Variants in ARHGAP6 observed in about 807,000 individuals in gnomAD.
The protein encoded by ARHGAP6 is Rho GTPase activating protein 6.
In ARHGAP6, 16 loss-of-function variants were observed where a neutral mutation model predicts 55.7. The observed-to-expected ratio is 0.29, with a 90% CI of 0.19 to 0.44. The LOEUF (loss-of-function observed/expected upper bound fraction) is 0.44, where lower values mean the gene tolerates loss of function less well. Among genes scored for constraint, ARHGAP6 ranks in the 20% least tolerant of loss-of-function variants. The pLI, the probability that ARHGAP6 is intolerant of heterozygous loss-of-function variation, is 1.00. For synonymous variants in ARHGAP6, 382 were observed against 360.9 expected (o/e 1.06, Z -0.66); for missense variants, 698 against 808.9 (o/e 0.86, Z 1.66).
intron 2 of ARHGAP6, among the ~76,000 whole-genome samples, chrX:11,232,430 G>A (rs1408965060): frequency 4.5e-5 from 5 of 110,170 alleles, no homozygotes; most frequent in Non-Finnish European, 7.6e-5. Flanking sequence ...AGACCAGCCT[G>A]GCCAACATGG....
At position 11,485,409 on chromosome X, in the gene ARHGAP6, T is replaced by G. The variant is rs1488536573; in HGVS notation, c.588+178832A>C. Reference sequence around the variant, plus strand: ...TCAGAGAGGTGATCAGCTGAATGCATTGGAAGTAAAATTGTAGGAAATGCC... The same window carrying G: ...TCAGAGAGGTGATCAGCTGAATGCAGTGGAAGTAAAATTGTAGGAAATGCC... On this transcript the variant is annotated intron_variant, in intron 1 of 12. Coordinates refer to ENST00000337414, the MANE Select transcript of ARHGAP6 (RefSeq NM_013427.3). Among the ~76,000 whole-genome samples the G allele has an allele frequency of 2.7e-5, 3 of 112,415 alleles. No individual in the cohort carries two copies. In the Admixed American group the frequency reaches 2.8e-4, roughly 11 times the overall value.
At chrX:11,623,479 C>T (rs2052254214) in intron 1 of ARHGAP6, among the ~76,000 whole-genome samples, 1 of 109,548 alleles carries the variant, frequency 9.1e-6, no homozygotes, top group Admixed American at 9.7e-5. Context: ...ATCATGAGGT[C>T]AGGAGATCGA....
chrX:11,316,760 A>G lies in ARHGAP6; in HGVS notation c.589-62053T>C, dbSNP rs151302065. ...AAGCACCATTTTAGTCTCTGCATCT[A>G]TGAGTTCAACTTTTTTAGATTCCAC... On this transcript the variant is annotated intron_variant, in intron 1 of 12. Coordinates refer to ENST00000337414, the MANE Select transcript of ARHGAP6 (RefSeq NM_013427.3). Among the ~76,000 whole-genome samples the G allele has an allele frequency of 6.3e-3, 711 of 112,153 alleles. 4 individuals carry two copies. Among genetic ancestry groups the G allele is most frequent in the African/African-American group, 0.022 (664 of 30,868 alleles).
At chrX:11,420,892 G>C (rs2049815670) in intron 1 of ARHGAP6, among the ~76,000 whole-genome samples, 1 of 112,197 alleles carries the variant, frequency 8.9e-6, no homozygotes, top group African/African-American at 3.2e-5. Flanking sequence ...GGGTATTCTG[G>C]CTAAATCAGA....
chrX:11,347,367 G>A (rs1388373289), intron 1 of ARHGAP6, among the ~76,000 whole-genome samples: 1 of 111,912 alleles, frequency 8.9e-6, no homozygotes, highest in Non-Finnish European at 1.9e-5. Context: ...AGACGTTTTT[G>A]TAGCTATATA....
intron 1 of ARHGAP6, among the ~76,000 whole-genome samples, chrX:11,555,570 T>C (rs1170614384): frequency 2.7e-5 from 3 of 110,436 alleles, no homozygotes; most frequent in African/African-American, 9.9e-5. Flanking sequence ...CCGGCCAATA[T>C]GGTGAAACCC....
intron 2 of ARHGAP6, among the ~76,000 whole-genome samples, chrX:11,250,315 T>C (rs192696775): frequency 9.5e-4 from 107 of 112,465 alleles, no homozygotes; most frequent in Non-Finnish European, 1.7e-3. Flanking sequence ...CTTTATATTA[T>C]TGAATTACTT....
intron 1 of ARHGAP6, among the ~76,000 whole-genome samples, chrX:11,393,640 CTTATT>C (rs2049439447): frequency 9.0e-6 from 1 of 111,187 alleles, no homozygotes; most frequent in Admixed American, 9.6e-5. Flanking sequence ...CATTACCTGA[CTTATT>C]TAATTCTGTC....
In ARHGAP6 at chrX:11,665,803, G is replaced by T. The variant is rs2052751724; in HGVS notation, c.-975C>A. ...TAGAGCTGGAGGAATGCCGGGGCTG[G>T]AGCTGGGGCGGAGCCAGGAGCAGGA... On this transcript the variant is annotated 5_prime_UTR_variant, in exon 1 of 13. Coordinates refer to ENST00000337414, the MANE Select transcript of ARHGAP6 (RefSeq NM_013427.3). 8.9e-6 allele frequency: 1 copy of T among 112,529 alleles called. No homozygotes were observed. Among genetic ancestry groups the T allele is most frequent in the African/African-American group, 3.2e-5 (1 of 30,891 alleles). The allele number at this position is 112,529 out of a possible 1,213,427, so 9.3% of individuals were successfully genotyped here. A position where few individuals can be genotyped will look rare whatever the true frequency, so the allele number is the denominator to read the frequency against.
intron 1 of ARHGAP6, among the ~76,000 whole-genome samples, chrX:11,446,185 T>C (rs945635233): frequency 8.9e-6 from 1 of 112,341 alleles, no homozygotes; most frequent in Admixed American, 9.4e-5. Flanking sequence ...AATTAAAGGA[T>C]CCCTTCAGGT....
chrX:11,343,957 G>A (rs1467731262), intron 1 of ARHGAP6, among the ~76,000 whole-genome samples: 1 of 111,869 alleles, frequency 8.9e-6, no homozygotes, highest in Non-Finnish European at 1.9e-5. Flanking sequence ...AGATCACTTG[G>A]TTCCTGATAA....
intron 1 of ARHGAP6, among the ~76,000 whole-genome samples, chrX:11,643,848 T>C (rs760389376): frequency 9.0e-6 from 1 of 111,428 alleles, no homozygotes; most frequent in African/African-American, 3.3e-5. Flanking sequence ...AAATCTGAGC[T>C]AGCCTGCTGG....
chrX:11,207,346 A>T (rs1368765960), intron 2 of ARHGAP6, among the ~76,000 whole-genome samples: 2 of 111,413 alleles, frequency 1.8e-5, no homozygotes, highest in Non-Finnish European at 3.8e-5. Flanking sequence ...ATTGATTTTT[A>T]AAAAGTGATT....
intron 1 of ARHGAP6, among the ~76,000 whole-genome samples, chrX:11,359,426 TAAAGG>T (rs1362432627): frequency 8.9e-6 from 1 of 112,334 alleles, no homozygotes; most frequent in Non-Finnish European, 1.9e-5. Flanking sequence ...AAGTGGCACT[TAAAGG>T]AAGATTAAAG....
At chrX:11,174,565 C>T (rs866983026) in intron 8 of ARHGAP6, among the ~76,000 whole-genome samples, 1,717 of 72,998 alleles carry the variant, frequency 0.024, 34 homozygotes, top group South Asian at 0.029. Flanking sequence ...TTCCTTCCTT[C>T]CTTCCTTCCT....
chrX:11,309,821 G>C (rs1373609378), intron 1 of ARHGAP6, among the ~76,000 whole-genome samples: 3 of 111,089 alleles, frequency 2.7e-5, no homozygotes, highest in African/African-American at 9.8e-5. Flanking sequence ...TGGCTGATAA[G>C]CATATGAAAA....
chrX:11,558,333 AT>A (rs2051342879), intron 1 of ARHGAP6, among the ~76,000 whole-genome samples: 1 of 111,920 alleles, frequency 8.9e-6, no homozygotes, highest in Non-Finnish European at 1.9e-5. Flanking sequence ...GTCAACAGGC[AT>A]TTGAACATCG....
At chrX:11,215,924 C>A (rs1241372360) in intron 2 of ARHGAP6, among the ~76,000 whole-genome samples, 1 of 111,563 alleles carries the variant, frequency 9.0e-6, no homozygotes, top group Non-Finnish European at 1.9e-5. Flanking sequence ...CTTAGGTTTC[C>A]CATGGGAGGT....
chrX:11,376,560 C>T (rs754877713), intron 1 of ARHGAP6, among the ~76,000 whole-genome samples: 2 of 112,879 alleles, frequency 1.8e-5, no homozygotes, highest in Non-Finnish European at 3.8e-5. Flanking sequence ...TTGATTTTAG[C>T]CTAGTGAGAT....
Sources: allele counts gnomAD v4.1 joint callset (sites outside exome capture counted in the v4.1 genomes callset), GRCh38; gene constraint gnomAD v4.1.1; transcripts MANE v1.5; gene names NCBI Gene and HGNC (gene_info 2026-07-23, HGNC 2026-07-21).